The following DTNA variants were observed in gnomAD, a reference collection of about 807,000 sequenced individuals.
DTNA encodes the protein dystrobrevin alpha, also known as dystrophin-related protein 3.
In DTNA, 43 loss-of-function variants were observed where a neutral mutation model predicts 100.7. The observed-to-expected ratio is 0.43, with a 90% CI of 0.33 to 0.55. The LOEUF (loss-of-function observed/expected upper bound fraction) is 0.55. DTNA is among the 20% of genes least tolerant of loss of function. The probability of loss-of-function intolerance (pLI) is 0.04; values close to 1 mark genes in which losing one functional copy is unlikely to be tolerated. For synonymous variants in DTNA, 349 were observed against 347.9 expected (o/e 1.00, Z -0.04); for missense variants, 798 against 953.9 (o/e 0.84, Z 2.15).
At chr18:34,769,877 A>T (rs2093679485) in intron 3 of DTNA, among the ~76,000 whole-genome samples, 1 of 150,656 alleles carries the variant, frequency 6.6e-6, no homozygotes, top group African/African-American at 2.4e-5. Context: ...ATGCACCACC[A>T]CGCCCAGCTA....
chr18:34,805,287 AC>A (rs2095331553), intron 4 of DTNA, among the ~76,000 whole-genome samples: 2 of 152,162 alleles, frequency 1.3e-5, no homozygotes, highest in African/African-American at 4.8e-5. Flanking sequence ...ATTTGGCAGC[AC>A]TTGTGTCATT....
chr18:34,754,672 T>C (rs2092648418), intron 1 of DTNA, among the ~76,000 whole-genome samples: 1 of 152,218 alleles, frequency 6.6e-6, no homozygotes. Flanking sequence ...ATTTATGGGG[T>C]ACAATGTAAT....
At chr18:34,763,180 C>T (rs1030169950) in intron 2 of DTNA, among the ~76,000 whole-genome samples, 8 of 152,182 alleles carry the variant, frequency 5.3e-5, no homozygotes, top group Non-Finnish European at 1.0e-4. Context: ...GATATTGAGA[C>T]TCTCCTGATT....
intron 1 of DTNA, among the ~76,000 whole-genome samples, chr18:34,627,696 G>A (rs1187649653): frequency 6.6e-6 from 1 of 152,098 alleles, no homozygotes; most frequent in Non-Finnish European, 1.5e-5. Context: ...GATCAACCTT[G>A]AGTTCCTGAG....
chr18:34,638,379 A>G (rs977805438), intron 1 of DTNA, among the ~76,000 whole-genome samples: 1 of 152,234 alleles, frequency 6.6e-6, no homozygotes, highest in African/African-American at 2.4e-5. Flanking sequence ...TCCGTGTTAT[A>G]GAAGAGGAAA....
intron 1 of DTNA, among the ~76,000 whole-genome samples, chr18:34,557,402 T>G (rs1224038309): frequency 6.6e-6 from 1 of 151,978 alleles, no homozygotes; most frequent in African/African-American, 2.4e-5. Flanking sequence ...TTTGTTCCAT[T>G]GCTGGTGAGG....
intron 1 of DTNA, chr18:34,683,798 A>AT (rs1196338446): frequency 6.6e-6 from 1 of 152,146 alleles, no homozygotes; most frequent in Non-Finnish European, 1.5e-5. Context: ...AATCATTAAC[A>AT]TTTTTCTCCA....
chr18:34,592,498 A>ACG (rs960898062), intron 1 of DTNA, among the ~76,000 whole-genome samples: 27 of 151,304 alleles, frequency 1.8e-4, no homozygotes, highest in African/African-American at 5.8e-4. Flanking sequence ...ACACACACAC[A>ACG]CACACACATT....
At position 34,851,812 on chromosome 18, in the gene DTNA, TA is replaced by T. The variant is rs2096483734; in HGVS notation, c.1435-16del. On this transcript the variant is annotated intron_variant, in intron 14 of 22. Coordinates refer to ENST00000444659, the MANE Select transcript of DTNA (RefSeq NM_001386795.1). ...TTCACATTCTCAATATGAAATCTTA[TA>T]AACTACATATTTTACAGCAGCCACC... 6.2e-7 allele frequency: 1 copy of T among 1,612,440 alleles called. No individual in the cohort carries two copies. The highest frequency in any genetic ancestry group is 1.3e-5 in the African/African-American group (1 of 75,004).
In DTNA at chr18:34,735,023, G is replaced by A. The variant is rs1200641728; in HGVS notation, c.-1-20953G>A. Among the ~76,000 whole-genome samples, 3 of 152,030 alleles carry A rather than the reference G, an allele frequency of 2.0e-5. No homozygotes were observed. In the East Asian group the frequency reaches 5.8e-4, roughly 29 times the overall value. On this transcript the variant is annotated intron_variant, in intron 1 of 22. Coordinates refer to ENST00000444659, the MANE Select transcript of DTNA (RefSeq NM_001386795.1). ...AATCTGTATTAGTCAGGGTTGTCTAGAAGGACAGAACTAATAGAACATATA... is the reference window on the plus strand; with the variant it reads ...AATCTGTATTAGTCAGGGTTGTCTAAAAGGACAGAACTAATAGAACATATA...
At chr18:34,818,565 T>C in intron 8 of DTNA, 1 of 1,391,418 alleles carries the variant, frequency 7.2e-7, no homozygotes. Flanking sequence ...ACTATGTTAC[T>C]TCTTGGAATA....
At position 34,882,051 on chromosome 18, in the gene DTNA, T is replaced by C; in HGVS notation, c.2163-18T>C. 1.2e-6 allele frequency: 2 copies of C among 1,614,070 alleles called. No individual in the cohort carries two copies. The highest frequency in any genetic ancestry group is 8.5e-7 in the Non-Finnish European group (1 of 1,179,944). Reference sequence around the variant, plus strand: ...TTTTAAGATTTGCTCTAACATGTCATCTGTGGTTTATTTTCAGGGTTACGG... The same window carrying C: ...TTTTAAGATTTGCTCTAACATGTCACCTGTGGTTTATTTTCAGGGTTACGG... On this transcript the variant is annotated intron_variant, in intron 20 of 22. Coordinates refer to ENST00000444659, the MANE Select transcript of DTNA (RefSeq NM_001386795.1).
intron 1 of DTNA, among the ~76,000 whole-genome samples, chr18:34,604,705 G>T (rs1402951683): frequency 6.6e-6 from 1 of 152,126 alleles, no homozygotes; most frequent in Admixed American, 6.5e-5. Flanking sequence ...TAGATTTACA[G>T]TACTACCGTT....
At chr18:34,850,184 T>C (rs2096455564) in intron 14 of DTNA, among the ~76,000 whole-genome samples, 1 of 152,226 alleles carries the variant, frequency 6.6e-6, no homozygotes, top group African/African-American at 2.4e-5. Flanking sequence ...AGAAAGGAGA[T>C]AGAACGGTCA....
At chr18:34,605,150 A>G (rs2052762014) in intron 1 of DTNA, among the ~76,000 whole-genome samples, 1 of 151,974 alleles carries the variant, frequency 6.6e-6, no homozygotes, top group Admixed American at 6.6e-5. Context: ...AAATTAAATT[A>G]TAGGGCATAC....
rs149488845 is a variant in DTNA at position 34,581,618 on chromosome 18, T to TTG, written c.-2+88105_-2+88106insGT. 2.4e-3 allele frequency among the ~76,000 whole-genome samples: 321 copies of TTG among 134,344 alleles called. 2 individuals are homozygous for TTG. Among genetic ancestry groups the TTG allele is most frequent in the African/African-American group, 7.9e-3 (239 of 30,256 alleles). The allele number at this position is 134,344 out of a possible 152,430, so 88.1% of individuals were successfully genotyped here. ...ATATGGCAGTCAGGCATGCCCCTAG[T>TTG]TAGTTTTTTTTTTTTTTTTTTGTGA... On this transcript the variant is annotated intron_variant, in intron 1 of 19. Transcript: ENST00000283365.
intron 1 of DTNA, among the ~76,000 whole-genome samples, chr18:34,629,049 T>C (rs1448911660): frequency 6.6e-6 from 1 of 152,172 alleles, no homozygotes; most frequent in Non-Finnish European, 1.5e-5. Flanking sequence ...TAATCAAATA[T>C]TTTATTAAAT....
chr18:34,703,903 C>A (rs974192437), intron 1 of DTNA, among the ~76,000 whole-genome samples: 1 of 152,138 alleles, frequency 6.6e-6, no homozygotes, highest in South Asian at 2.1e-4. Flanking sequence ...TTTCTATTCT[C>A]CCCTTCTTGG....
intron 1 of DTNA, among the ~76,000 whole-genome samples, chr18:34,622,415 G>A (rs1016577072): frequency 1.3e-5 from 2 of 152,146 alleles, no homozygotes; most frequent in African/African-American, 2.4e-5. Flanking sequence ...AAAGTGCTAC[G>A]GTTTGGTGTA....
Sources: gnomAD v4.1 joint callset for allele counts (sites outside exome capture counted in the v4.1 genomes callset) on GRCh38, gnomAD v4.1.1 for gene constraint, MANE v1.5 for transcripts, NCBI Gene and HGNC (gene_info 2026-07-23, HGNC 2026-07-21) for gene names.